Variants in USO1 observed in about 807,000 individuals in gnomAD.
USO1 encodes the protein USO1 vesicle transport factor, also known as general vesicular transport factor p115.
USO1 carries 57 observed loss-of-function variants against 124.5 expected under a neutral mutation model. That is an observed-to-expected ratio of 0.46 (90% confidence interval 0.37 to 0.57). The LOEUF (loss-of-function observed/expected upper bound fraction) is 0.57, where lower values mean the gene tolerates loss of function less well. Among genes scored for constraint, USO1 ranks in the 20% least tolerant of loss-of-function variants. The probability of loss-of-function intolerance (pLI) is 0.00; values close to 1 mark genes in which losing one functional copy is unlikely to be tolerated. For synonymous variants in USO1, 369 were observed against 362.8 expected, an observed-to-expected ratio of 1.02 and a Z score of -0.19; for missense variants, 900 against 1,040.6, an observed-to-expected ratio of 0.86 and a Z score of 1.86.
At chr4:75,736,658 G>A (rs1173891503) in intron 1 of USO1, among the ~76,000 whole-genome samples, 2 of 151,984 alleles carry the variant, frequency 1.3e-5, no homozygotes, top group African/African-American at 4.8e-5. Flanking sequence ...AACATACAGA[G>A]GTACTTTAAA....
At chr4:75,773,923 G>T (rs554489310) in intron 7 of USO1, among the ~76,000 whole-genome samples, 2 of 150,300 alleles carry the variant, frequency 1.3e-5, no homozygotes, top group Admixed American at 6.6e-5. Flanking sequence ...CTTTTTTTTC[G>T]TAAAATATTT....
chr4:75,766,397 A>G (rs890170341), intron 4 of USO1, among the ~76,000 whole-genome samples: 9 of 152,200 alleles, frequency 5.9e-5, no homozygotes, highest in East Asian at 5.8e-4. Context: ...AGTGAGGGCA[A>G]TTTACCCTCC....
rs762678534 is a variant in USO1, at chr4:75,805,280, A to G, written c.2266A>G (p.Lys756Glu). Residue 756 changes from lysine to glutamate, a missense_variant, in exon 19 of 24, where the codon AAG (lysine) becomes GAG (glutamate). Around this residue, in one of 2 missense-constraint regions of USO1, gnomAD observed 362 missense variants for 359.0 expected, o/e 1.01. Coordinates refer to ENST00000514213, the MANE Select transcript of USO1 (RefSeq NM_003715.4). ...ACTTTTACAAAGCCAGCTGACTGAA[A>G]AGGACTCTATGATTGAAAATATGGT... ...QELLQSQLTE[K>E]DSMIENMKSS... The G allele has an allele frequency of 1.2e-5, 20 of 1,609,448 alleles. No homozygotes were observed. The highest frequency in any genetic ancestry group is 6.8e-5 in the Admixed American group (4 of 59,206).
chr4:75,724,694 A>G lies in USO1; in HGVS notation c.-126A>G. ...AGGGCTGGAGTGGCCGCCGAGTTGG[A>G]GGCGGTGGTGGCAGCAGTAGGAGTG... is the stretch of plus-strand genomic sequence containing the variant. On this transcript the variant is annotated 5_prime_UTR_variant, in exon 1 of 24. Coordinates refer to ENST00000514213, the MANE Select transcript of USO1 (RefSeq NM_003715.4). 1.1e-6 allele frequency: 1 copy of G among 928,810 alleles called. No individual in the cohort carries two copies. Among genetic ancestry groups the G allele is most frequent in the Non-Finnish European group, 1.6e-6 (1 of 622,452 alleles). 57.5% of individuals were successfully genotyped at this position (928,810 alleles called of 1,614,324 possible).
At chr4:75,773,340 TC>T (rs1721985943) in intron 7 of USO1, among the ~76,000 whole-genome samples, 2 of 135,032 alleles carry the variant, frequency 1.5e-5, no homozygotes, top group Admixed American at 1.6e-4. Context: ...ATAAACCTAT[TC>T]AAGAGGGTAA....
intron 1 of USO1, among the ~76,000 whole-genome samples, chr4:75,726,169 C>T (rs10010519): frequency 0.89 from 135,717 of 151,934 alleles, 60,655 homozygotes; most frequent in African/African-American, 0.93. Context: ...TAATCCCAGC[C>T]ACTCGGAAGG....
chr4:75,806,061 G>A (rs945573436), intron 19 of USO1, among the ~76,000 whole-genome samples: 10 of 151,940 alleles, frequency 6.6e-5, no homozygotes, highest in Admixed American at 2.0e-4. Flanking sequence ...GCACAATCTC[G>A]GCTCACTGCA....
intron 8 of USO1, among the ~76,000 whole-genome samples, chr4:75,780,047 C>T (rs1342902944): frequency 1.3e-5 from 2 of 152,098 alleles, no homozygotes; most frequent in East Asian, 3.8e-4. Context: ...TCTGTCTGCC[C>T]TCTATAAATG....
rs192479145 is a variant in USO1 at position 75,813,309 on chromosome 4, A to G, written c.*14A>G. On this transcript the variant is annotated 3_prime_UTR_variant, in exon 24 of 24. Transcript: ENST00000514213. ...GATCATATCTAGTTTTCAAATCTCT[A>G]GGAACAATAGAGATTATATCATAAC... 50 of 1,578,540 alleles carry G rather than the reference A, an allele frequency of 3.2e-5. No individual in the cohort carries two copies. The highest frequency in any genetic ancestry group is 4.0e-5 in the Non-Finnish European group (47 of 1,167,930).
chr4:75,756,746 C>T lies in USO1; in HGVS notation c.219-751C>T, dbSNP rs569582552. 1.3e-3 allele frequency among the ~76,000 whole-genome samples: 202 copies of T among 152,088 alleles called. 1 individual carries two copies. Among genetic ancestry groups the T allele is most frequent in the African/African-American group, 4.7e-3 (196 of 41,482 alleles). The stretch of plus-strand genomic sequence containing the variant: ...CAGGCTGGTCTCGAACTCCCAACTT[C>T]AGGTGATCCACCTGCCTCAGCCTCC... On this transcript the variant is annotated intron_variant, in intron 3 of 23. Coordinates refer to ENST00000514213, the MANE Select transcript of USO1 (RefSeq NM_003715.4).
At chr4:75,737,850 C>T (rs1720838507) in intron 1 of USO1, among the ~76,000 whole-genome samples, 1 of 151,648 alleles carries the variant, frequency 6.6e-6, no homozygotes, top group Non-Finnish European at 1.5e-5. Context: ...TATTTTGAGT[C>T]AGAATCTTGC....
At chr4:75,729,462 C>G (rs970637880) in intron 1 of USO1, among the ~76,000 whole-genome samples, 1 of 152,082 alleles carries the variant, frequency 6.6e-6, no homozygotes, top group African/African-American at 2.4e-5. Flanking sequence ...GGCTCAGTCT[C>G]CCGAGCAGCT....
intron 8 of USO1, 64 bp downstream of exon 8, chr4:75,774,860 G>C (rs539468029): frequency 6.6e-7 from 1 of 1,525,102 alleles, no homozygotes; most frequent in African/African-American, 1.4e-5. Flanking sequence ...TAGGGTATAG[G>C]GAATACAGTT....
chr4:75,741,804 A>T (rs1249368527), intron 1 of USO1, among the ~76,000 whole-genome samples: 1 of 151,970 alleles, frequency 6.6e-6, no homozygotes, highest in Non-Finnish European at 1.5e-5. Context: ...GGGTTTCACC[A>T]TGTTGGCCAG....
chr4:75,736,335 T>C (rs1720790963), intron 1 of USO1, among the ~76,000 whole-genome samples: 2 of 100,886 alleles, frequency 2.0e-5, no homozygotes, highest in Non-Finnish European at 3.8e-5. Flanking sequence ...TTTTTTTTTT[T>C]GAGGCAAAGC....
chr4:75,787,403 T>C (rs560478799), intron 10 of USO1, among the ~76,000 whole-genome samples: 13 of 152,350 alleles, frequency 8.5e-5, no homozygotes, highest in African/African-American at 3.1e-4. Flanking sequence ...AGTTTTATAG[T>C]ACATAAATAA....
chr4:75,807,414 C>T (rs1352374974), intron 20 of USO1, among the ~76,000 whole-genome samples: 1 of 151,632 alleles, frequency 6.6e-6, no homozygotes, highest in Admixed American at 6.6e-5. Flanking sequence ...TGACCATCCT[C>T]ACTAACCTAG....
At chr4:75,726,355 A>T (rs1720459016) in intron 1 of USO1, among the ~76,000 whole-genome samples, 1 of 150,296 alleles carries the variant, frequency 6.7e-6, no homozygotes, top group South Asian at 2.1e-4. Flanking sequence ...CCAGGATTCA[A>T]CCAAGAGGTA....
rs1350999383 is a variant in USO1, at chr4:75,752,448, T to C, written c.142T>C (p.Ser48Pro). The C allele has an allele frequency of 2.5e-6, 1 of 398,364 alleles. No individual in the cohort carries two copies. Among genetic ancestry groups the C allele is most frequent in the Non-Finnish European group, 4.4e-6 (1 of 226,018 alleles). The allele number at this position is 398,364 out of a possible 1,614,324, so 24.7% of individuals were successfully genotyped here. Residue 48 changes from serine (S) to proline (P), a missense_variant, in exon 2 of 24, where the codon TCA becomes CCA. Physicochemically the swap from Ser to Pro is moderately conservative, Grantham distance 74. Around this residue, in one of 2 missense-constraint regions of USO1, gnomAD observed 538 missense variants for 681.6 expected, o/e 0.79. Transcript: ENST00000514213. ...DRRNAVRALKSLSKKYRLEVG... is the reference protein window; with the variant it reads ...DRRNAVRALKPLSKKYRLEVG... ...AAGAAATGCTGTTCGTGCTCTCAAATCATTATCTAAGGTTTGTAACTTTGT... is the reference window on the plus strand; with the variant it reads ...AAGAAATGCTGTTCGTGCTCTCAAACCATTATCTAAGGTTTGTAACTTTGT...
Sources: gnomAD v4.1 joint callset for allele counts (sites outside exome capture counted in the v4.1 genomes callset) on GRCh38, gnomAD v4.1.1 for gene constraint, gnomAD v4.1.1 regional missense constraint, MANE v1.5 for transcripts, NCBI Gene and HGNC (gene_info 2026-07-23, HGNC 2026-07-21) for gene names.